The following HTR2C variants were observed in gnomAD, a reference collection of about 807,000 sequenced individuals.
The protein encoded by HTR2C is 5-hydroxytryptamine receptor 2C.
HTR2C carries 5 observed loss-of-function variants against 21.0 expected under a neutral mutation model. That is an observed-to-expected ratio of 0.24 (90% CI 0.12 to 0.50). The LOEUF (loss-of-function observed/expected upper bound fraction) is 0.50, where lower values mean the gene tolerates loss of function less well. Among genes scored for constraint, HTR2C ranks in the 20% least tolerant of loss-of-function variants. The pLI is 0.98. For synonymous variants in HTR2C, 150 were observed against 145.3 expected, an observed-to-expected ratio of 1.03 and a Z score of -0.23; for missense variants, 271 against 371.2, an observed-to-expected ratio of 0.73 and a Z score of 2.22.
In HTR2C at chrX:114,907,600, T is replaced by A. The variant is rs1344996726; in HGVS notation, c.*185T>A. 1 of 376,983 alleles carries A rather than the reference T, an allele frequency of 2.7e-6. No homozygotes were observed. Among genetic ancestry groups the A allele is most frequent in the African/African-American group, 2.5e-5 (1 of 39,429 alleles). The allele number at this position is 376,983 out of a possible 1,213,427, so 31.1% of individuals were successfully genotyped here. A position where few individuals can be genotyped will look rare whatever the true frequency, so the allele number is the denominator to read the frequency against. ...TTAGTGAGATTTAGGGTTCTATATT[T>A]ACTGTTTATAATAGGTGGAGACTAA... On this transcript the variant is annotated 3_prime_UTR_variant, in exon 6 of 6. Coordinates refer to ENST00000276198, the MANE Select transcript of HTR2C (RefSeq NM_000868.4).
chrX:114,749,730 A>G (rs2069743672), intron 4 of HTR2C, among the ~76,000 whole-genome samples: 1 of 111,299 alleles, frequency 9.0e-6, no homozygotes, highest in African/African-American at 3.3e-5. Context: ...AACAAAAACA[A>G]AAAAAGCATT....
intron 2 of HTR2C, among the ~76,000 whole-genome samples, chrX:114,657,652 T>G (rs1556409475): frequency 2.7e-5 from 3 of 111,670 alleles, no homozygotes; most frequent in Non-Finnish European, 5.7e-5. Context: ...ATGGCCCACC[T>G]AATCAAATTC....
intron 5 of HTR2C, among the ~76,000 whole-genome samples, chrX:114,876,695 A>T (rs1165197354): frequency 2.7e-5 from 3 of 110,582 alleles, no homozygotes; most frequent in Non-Finnish European, 3.8e-5. Flanking sequence ...ATTGAGATCG[A>T]TCATATTTTT....
chrX:114,901,348 G>A (rs995838763), intron 5 of HTR2C, among the ~76,000 whole-genome samples: 1 of 111,902 alleles, frequency 8.9e-6, no homozygotes, highest in African/African-American at 3.2e-5. Flanking sequence ...GCTGAAATGA[G>A]ATAATGCATG....
At chrX:114,760,613 C>T (rs1042413018) in intron 4 of HTR2C, among the ~76,000 whole-genome samples, 3 of 111,596 alleles carry the variant, frequency 2.7e-5, no homozygotes, top group Non-Finnish European at 5.6e-5. Context: ...ACCTCCTGGG[C>T]TCAGGCTATC....
At chrX:114,894,574 T>A (rs959903681) in intron 5 of HTR2C, among the ~76,000 whole-genome samples, 5 of 111,529 alleles carry the variant, frequency 4.5e-5, no homozygotes, top group African/African-American at 1.6e-4. Context: ...GATGGTGATT[T>A]CACAGATATA....
At chrX:114,731,642 T>G in intron 4 of HTR2C, 35 bp downstream of exon 4, 1 of 984,274 alleles carries the variant, frequency 1.0e-6, no homozygotes, top group South Asian at 2.4e-5. Flanking sequence ...CAATCTCGTA[T>G]AATGTCATAA....
chrX:114,767,361 C>T (rs913846570), intron 4 of HTR2C, among the ~76,000 whole-genome samples: 1 of 110,924 alleles, frequency 9.0e-6, no homozygotes, highest in South Asian at 3.7e-4. Flanking sequence ...CAAAAGCTTG[C>T]ACTGGCTAAG....
chrX:114,812,983 C>T (rs782369522), intron 4 of HTR2C, among the ~76,000 whole-genome samples: 235 of 110,963 alleles, frequency 2.1e-3, no homozygotes, highest in Non-Finnish European at 3.7e-3. Flanking sequence ...TTTACATTTA[C>T]GATTAATTTT....
chrX:114,884,648 A>C (rs1203827844), intron 5 of HTR2C, among the ~76,000 whole-genome samples: 1 of 111,759 alleles, frequency 8.9e-6, no homozygotes, highest in Non-Finnish European at 1.9e-5. Flanking sequence ...AAAATACAAA[A>C]GATAACAAGT....
intron 4 of HTR2C, among the ~76,000 whole-genome samples, chrX:114,769,575 G>A (rs782805792): frequency 9.0e-6 from 1 of 110,602 alleles, no homozygotes; most frequent in East Asian, 2.8e-4. Context: ...AATTACAGTA[G>A]AATTTCATTA....
intron 2 of HTR2C, among the ~76,000 whole-genome samples, chrX:114,634,371 A>T (rs1929760975): frequency 1.8e-5 from 2 of 111,952 alleles, no homozygotes; most frequent in Non-Finnish European, 3.8e-5. Context: ...GCTTTAAAAA[A>T]CAAGACAATA....
intron 4 of HTR2C, among the ~76,000 whole-genome samples, chrX:114,791,704 G>A (rs1333513180): frequency 1.8e-5 from 2 of 110,957 alleles, no homozygotes; most frequent in African/African-American, 3.3e-5. Flanking sequence ...TAAACAAAAA[G>A]CATAGTACTT....
intron 4 of HTR2C, among the ~76,000 whole-genome samples, chrX:114,787,351 T>G (rs1396327430): frequency 2.7e-5 from 3 of 111,842 alleles, no homozygotes; most frequent in Non-Finnish European, 3.8e-5. Flanking sequence ...CTACCAGAAC[T>G]GTATTTTAAG....
intron 2 of HTR2C, among the ~76,000 whole-genome samples, chrX:114,659,361 T>A (rs1399758828): frequency 6.2e-5 from 2 of 32,422 alleles, no homozygotes; most frequent in East Asian, 5.8e-3. Flanking sequence ...AACCAAGTAA[T>A]CAAGGTTATA....
intron 1 of HTR2C, among the ~76,000 whole-genome samples, chrX:114,606,915 G>T (rs1446163478): frequency 9.1e-6 from 1 of 109,717 alleles, no homozygotes; most frequent in East Asian, 2.9e-4. Flanking sequence ...GATGAGGGTG[G>T]GGCCGTTTTA....
At chrX:114,749,410 CA>C (rs1409699460) in intron 4 of HTR2C, among the ~76,000 whole-genome samples, 1 of 82,888 alleles carries the variant, frequency 1.2e-5, no homozygotes, top group East Asian at 4.4e-4. Context: ...GCCGAGGTCA[CA>C]CCACTGCACT....
intron 2 of HTR2C, among the ~76,000 whole-genome samples, chrX:114,682,860 T>C (rs1381655699): frequency 1.8e-5 from 2 of 111,890 alleles, no homozygotes; most frequent in African/African-American, 6.5e-5. Flanking sequence ...GTGTAATGCA[T>C]ATAACTACTT....
rs187407932 is a variant in HTR2C at position 114,604,228 on chromosome X, A to G, written c.-146-9587A>G. Among the ~76,000 whole-genome samples the G allele has an allele frequency of 7.5e-3, 829 of 110,160 alleles. 17 individuals carry two copies. Among genetic ancestry groups the G allele is most frequent in the Admixed American group, 0.066 (677 of 10,313 alleles). Reference sequence around the variant, plus strand: ...CGGCAATGAGATTTAGCTGTAGTCCAGGAATAGTCAGGGAAGCAGGTAATT... The same window carrying G: ...CGGCAATGAGATTTAGCTGTAGTCCGGGAATAGTCAGGGAAGCAGGTAATT... On this transcript the variant is annotated intron_variant, in intron 1 of 5. Transcript: ENST00000276198.
Sources: gnomAD v4.1 joint callset for allele counts (sites outside exome capture counted in the v4.1 genomes callset) on GRCh38, gnomAD v4.1.1 for gene constraint, MANE v1.5 for transcripts, NCBI Gene and HGNC (gene_info 2026-07-23, HGNC 2026-07-21) for gene names.